The following GNB5 variants were observed in gnomAD, a reference collection of about 807,000 sequenced individuals.
GNB5 encodes guanine nucleotide-binding protein subunit beta-5.
In GNB5, 37 loss-of-function variants were observed where a neutral mutation model predicts 55.3. The ratio of observed to expected loss-of-function variants is 0.67; its 90% CI spans 0.51 to 0.88. GNB5 has a LOEUF of 0.88. Among genes scored for constraint, GNB5 ranks in the 40% least tolerant of loss-of-function variants. The pLI, the probability that GNB5 is intolerant of heterozygous loss-of-function variation, is 0.00. For synonymous variants in GNB5, 219 were observed against 198.5 expected (o/e 1.10, Z -0.87); for missense variants, 476 against 515.3 (o/e 0.92, Z 0.74).
intron 5 of GNB5, chr15:52,149,567 C>T (rs1160253006): frequency 3.5e-6 from 2 of 579,398 alleles, no homozygotes; most frequent in African/African-American, 3.7e-5. Flanking sequence ...CCTCTTATCA[C>T]TCAGAAGACA....
chr15:52,154,836 T>A (rs1232602298), intron 3 of GNB5, among the ~76,000 whole-genome samples: 2 of 152,146 alleles, frequency 1.3e-5, no homozygotes, highest in Non-Finnish European at 2.9e-5. Context: ...GAATATATGA[T>A]CCACTCACAG....
chr15:52,160,232 G>A (rs2034302242), intron 3 of GNB5, among the ~76,000 whole-genome samples: 1 of 152,226 alleles, frequency 6.6e-6, no homozygotes, highest in African/African-American at 2.4e-5. Context: ...ACAGGCATGA[G>A]CCACTGCGCC....
chr15:52,184,992 G>T (rs2034824221), intron 1 of GNB5, among the ~76,000 whole-genome samples: 1 of 152,224 alleles, frequency 6.6e-6, no homozygotes, highest in African/African-American at 2.4e-5. Context: ...TATCAATTCT[G>T]TGGGGTTTCA....
At chr15:52,170,366 G>A (rs2034533874) in intron 3 of GNB5, among the ~76,000 whole-genome samples, 1 of 152,168 alleles carries the variant, frequency 6.6e-6, no homozygotes, top group South Asian at 2.1e-4. Context: ...TACATACCAT[G>A]GAATACTATG....
chr15:52,175,510 G>A (rs536195283), intron 3 of GNB5, among the ~76,000 whole-genome samples: 17 of 151,988 alleles, frequency 1.1e-4, no homozygotes, highest in Non-Finnish European at 2.1e-4. Context: ...AGGCTGAGGC[G>A]GGCAGATCAC....
At chr15:52,128,610 G>A (rs1300531853) in intron 9 of GNB5, 2 of 515,756 alleles carry the variant, frequency 3.9e-6, no homozygotes, top group African/African-American at 1.9e-5. Flanking sequence ...GACGCACAAA[G>A]CCACATTGGA....
chr15:52,135,499 C>A, intron 8 of GNB5, 114 bp downstream of exon 8: 1 of 926,176 alleles, frequency 1.1e-6, no homozygotes, highest in Non-Finnish European at 1.7e-6. Context: ...AGAACAATTC[C>A]TGCAGCCCCT....
intron 3 of GNB5, among the ~76,000 whole-genome samples, chr15:52,177,428 C>T (rs758440297): frequency 2.0e-5 from 3 of 151,620 alleles, no homozygotes; most frequent in Non-Finnish European, 4.4e-5. Flanking sequence ...GAGGCTCAGG[C>T]GGGCAGATCA....
chr15:52,154,019 C>T lies in GNB5; in HGVS notation c.296G>A (p.Arg99Lys). ...ALGQFVMKTRRTLKGHGNKVL... is the reference protein window; with the variant it reads ...ALGQFVMKTRKTLKGHGNKVL... ...TTTGTTCCCGTGGCCTTTGAGGGTC[C>T]TTCTGGTCTTCATGACAAACTGCCC... Residue 99 changes from arginine (R) to lysine (K), a missense_variant, in exon 4 of 13, where the codon AGG (arginine) becomes AAG (lysine). By Grantham distance (26) the Arg-to-Lys change is conservative. Transcript: ENST00000261837. 1 of 1,614,066 alleles carries T rather than the reference C, an allele frequency of 6.2e-7. No homozygotes were observed. The highest frequency in any genetic ancestry group is 1.1e-5 in the South Asian group (1 of 91,074).
At position 52,187,382 on chromosome 15, in the gene GNB5, G is replaced by A. The variant is rs542275331; in HGVS notation, c.-18-2688C>T. Among the ~76,000 whole-genome samples the A allele has an allele frequency of 1.3e-4, 20 of 152,056 alleles. No homozygotes were observed. In the East Asian group the frequency reaches 3.5e-3, roughly 27 times the overall value. On this transcript the variant is annotated intron_variant, in intron 1 of 12. Transcript: ENST00000261837. ...GGTCAGAGAGAGAGAGAGAAGGGAC[G>A]GCAGGAAAACAAACTAGGTTAAGAG...
chr15:52,129,444 T>G (rs1187585524), intron 9 of GNB5, among the ~76,000 whole-genome samples: 6 of 152,322 alleles, frequency 3.9e-5, no homozygotes, highest in African/African-American at 1.4e-4. Context: ...GGATGGAGAA[T>G]TGAAAAGCTG....
chr15:52,151,190 C>T (rs114617746), intron 4 of GNB5, among the ~76,000 whole-genome samples: 2,603 of 152,222 alleles, frequency 0.017, 72 homozygotes, highest in African/African-American at 0.06. Flanking sequence ...AAGCCTTTAG[C>T]GCAGAAACTG....
chr15:52,143,600 T>C (rs1464617874), intron 6 of GNB5, among the ~76,000 whole-genome samples: 4 of 152,174 alleles, frequency 2.6e-5, no homozygotes, highest in Non-Finnish European at 4.4e-5. Flanking sequence ...GCAATACCAT[T>C]TGGGTTTTAG....
chr15:52,116,863 T>C lies in GNB5; in HGVS notation c.*5894A>G, dbSNP rs1010788002. On this transcript the variant is annotated 3_prime_UTR_variant, in exon 13 of 13. Coordinates refer to ENST00000261837, the MANE Select transcript of GNB5 (RefSeq NM_016194.4). ...TGATATTTGTAGCCAAGGATAATTA[T>C]TTCAAAACCATTATGTAATCCTCCT... is the stretch of plus-strand genomic sequence containing the variant. 6.6e-6 allele frequency: 1 copy of C among 152,052 alleles called. No homozygotes were observed. Among genetic ancestry groups the C allele is most frequent in the African/African-American group, 2.4e-5 (1 of 41,426 alleles). 9.4% of individuals were successfully genotyped at this position (152,052 alleles called of 1,614,324 possible).
Position 52,141,163 on chromosome 15 carries a change from T to C in GNB5, c.604A>G (p.Ser202Gly), listed in dbSNP as rs201052756. ...ACCTGCATGTCAGAGTTGGTGAAGCTGCAGGCCGACAGGTAGTTGGTGTGC... is the reference window on the plus strand; with the variant it reads ...ACCTGCATGTCAGAGTTGGTGAAGCCGCAGGCCGACAGGTAGTTGGTGTGC... ...AMHTNYLSACSFTNSDMQILT... is the reference protein window; with the variant it reads ...AMHTNYLSACGFTNSDMQILT... The change falls in exon 7 of 13, where the codon AGC becomes GGC. Residue 202 changes from serine (S) to glycine (G), a missense_variant. Physicochemically the swap from Ser to Gly is moderately conservative, Grantham distance 56. Coordinates refer to ENST00000261837, the MANE Select transcript of GNB5 (RefSeq NM_016194.4). 1 of 1,614,182 alleles carries C rather than the reference T, an allele frequency of 6.2e-7. No homozygotes were observed. Among genetic ancestry groups the C allele is most frequent in the South Asian group, 1.1e-5 (1 of 91,084 alleles).
intron 3 of GNB5, among the ~76,000 whole-genome samples, chr15:52,158,797 G>A (rs1488105823): frequency 6.6e-6 from 1 of 151,978 alleles, no homozygotes; most frequent in African/African-American, 2.4e-5. Context: ...TTCCAGTTCA[G>A]TCTGTGCCAG....
chr15:52,153,677 C>T (rs1399113622), intron 4 of GNB5, among the ~76,000 whole-genome samples: 1 of 152,076 alleles, frequency 6.6e-6, no homozygotes, highest in Non-Finnish European at 1.5e-5. Context: ...GTTTCATTTA[C>T]AAATAAGACT....
intron 6 of GNB5, among the ~76,000 whole-genome samples, chr15:52,146,002 G>A (rs1302218730): frequency 3.4e-5 from 5 of 146,494 alleles, no homozygotes; most frequent in Non-Finnish European, 5.9e-5. Context: ...TCTCCCCCAG[G>A]CTGGAGTGCA....
chr15:52,169,795 G>A (rs2034525479), intron 3 of GNB5, among the ~76,000 whole-genome samples: 2 of 151,992 alleles, frequency 1.3e-5, no homozygotes, highest in Admixed American at 1.3e-4. Context: ...ACTACAGAAG[G>A]GAGAAAATGT....
Sources: allele counts gnomAD v4.1 joint callset (sites outside exome capture counted in the v4.1 genomes callset), GRCh38; gene constraint gnomAD v4.1.1; transcripts MANE v1.5; gene names NCBI Gene and HGNC (gene_info 2026-07-23, HGNC 2026-07-21).